Variants in PBX3 observed in about 807,000 individuals in gnomAD.
PBX3 encodes pre-B-cell leukemia transcription factor 3.
PBX3 carries 14 observed loss-of-function variants against 48.5 expected under a neutral mutation model. That is an observed-to-expected ratio of 0.29 (90% CI 0.19 to 0.45). The LOEUF is 0.45. PBX3 is among the 20% of genes least tolerant of loss of function. PBX3 has a pLI of 1.00. For synonymous variants in PBX3, 210 were observed against 200.3 expected (o/e 1.05, Z -0.41); for missense variants, 386 against 546.7 (o/e 0.71, Z 2.93).
Position 125,929,974 on chromosome 9 carries a change from G to C in PBX3, c.707+129G>C. On this transcript the variant is annotated intron_variant, in intron 4 of 8. Coordinates refer to ENST00000373489, the MANE Select transcript of PBX3 (RefSeq NM_006195.6). ...TATGAGTCTTTTGTACAATGGACAG[G>C]TAATTCAACTCATGGTTCCTGTGCT... The C allele has an allele frequency of 4.4e-6, 3 of 682,194 alleles. 1 individual carries two copies. The South Asian group carries it at 5.6e-5, about 13-fold the overall frequency. 42.3% of individuals were successfully genotyped at this position (682,194 alleles called of 1,614,324 possible).
chr9:125,899,270 TATACATATGTATATATATTTATATATAA>T lies in PBX3; in HGVS notation c.275-16412_275-16385del, dbSNP rs1222368669. Among the ~76,000 whole-genome samples the T allele has an allele frequency of 6.8e-4, 81 of 118,826 alleles. 1 individual carries two copies. The highest frequency in any genetic ancestry group is 1.7e-3 in the South Asian group (7 of 4,092). 78.0% of individuals were successfully genotyped at this position (118,826 alleles called of 152,430 possible). A position where few individuals can be genotyped will look rare whatever the true frequency, so the allele number is the denominator to read the frequency against. On this transcript the variant is annotated intron_variant, in intron 2 of 8. Transcript: ENST00000373489. Reference sequence around the variant, plus strand: ...ATATGTATATATATTTATATATAAATATACATATGTATATATATTTATATATAAATATACATATATGTATATATTTTTA... The same window carrying T: ...ATATGTATATATATTTATATATAAATATATACATATATGTATATATTTTTA...
At chr9:125,810,666 T>C (rs770430910) in intron 2 of PBX3, among the ~76,000 whole-genome samples, 3 of 152,148 alleles carry the variant, frequency 2.0e-5, no homozygotes, top group Non-Finnish European at 4.4e-5. Flanking sequence ...TACCATTGAT[T>C]CTATATCCCT....
At chr9:125,942,737 C>T (rs1841982653) in intron 5 of PBX3, among the ~76,000 whole-genome samples, 1 of 152,158 alleles carries the variant, frequency 6.6e-6, no homozygotes, top group South Asian at 2.1e-4. Flanking sequence ...AAGAAGGCTA[C>T]AGACCCTCTG....
chr9:125,804,369 T>C (rs73667067), intron 2 of PBX3, among the ~76,000 whole-genome samples: 13 of 152,326 alleles, frequency 8.5e-5, no homozygotes, highest in African/African-American at 2.9e-4. Flanking sequence ...TCTGGGCGGC[T>C]GGGCTCATCC....
At chr9:125,793,182 C>T (rs1837662410) in intron 2 of PBX3, among the ~76,000 whole-genome samples, 1 of 150,258 alleles carries the variant, frequency 6.7e-6, no homozygotes. Flanking sequence ...GGAACCCTGT[C>T]TCTACTAAAA....
At chr9:125,826,731 G>A (rs1838818513) in intron 2 of PBX3, among the ~76,000 whole-genome samples, 1 of 151,986 alleles carries the variant, frequency 6.6e-6, no homozygotes, top group African/African-American at 2.4e-5. Context: ...CCTTAATTAT[G>A]GACATATTTT....
In PBX3 at chr9:125,966,116, T is replaced by A. The variant is rs79152930; in HGVS notation, c.*193T>A. ...ATTTATACTTAAAAACACACAATGTTAAAAAAAATAAAGCACTTTATCCAA... is the reference window on the plus strand; with the variant it reads ...ATTTATACTTAAAAACACACAATGTAAAAAAAAATAAAGCACTTTATCCAA... On this transcript the variant is annotated 3_prime_UTR_variant, in exon 9 of 9. Transcript: ENST00000373489. 2 of 388,586 alleles carry A rather than the reference T, an allele frequency of 5.1e-6. No homozygotes were observed. Among genetic ancestry groups the A allele is most frequent in the South Asian group, 6.6e-5 (1 of 15,248 alleles). 24.1% of individuals were successfully genotyped at this position (388,586 alleles called of 1,614,324 possible).
At chr9:125,887,245 C>G (rs1840523297) in intron 2 of PBX3, among the ~76,000 whole-genome samples, 1 of 152,142 alleles carries the variant, frequency 6.6e-6, no homozygotes, top group Admixed American at 6.5e-5. Context: ...CAATTCCTTT[C>G]ATGAAAAGCA....
chr9:125,798,883 T>A (rs1056130601), intron 2 of PBX3, among the ~76,000 whole-genome samples: 2 of 152,066 alleles, frequency 1.3e-5, no homozygotes, highest in African/African-American at 4.8e-5. Flanking sequence ...TTTGTTTAAC[T>A]ACATTATTTA....
At chr9:125,942,205 T>C (rs1020320017) in intron 5 of PBX3, among the ~76,000 whole-genome samples, 2 of 152,208 alleles carry the variant, frequency 1.3e-5, no homozygotes, top group African/African-American at 4.8e-5. Context: ...TTGGGGATTT[T>C]TACACAGATA....
At chr9:125,955,271 T>G (rs1842280529) in intron 5 of PBX3, among the ~76,000 whole-genome samples, 1 of 152,114 alleles carries the variant, frequency 6.6e-6, no homozygotes, top group African/African-American at 2.4e-5. Flanking sequence ...TGCCCAGAGC[T>G]TCTCCCGCTT....
chr9:125,955,106 A>G (rs540767800), intron 5 of PBX3, among the ~76,000 whole-genome samples: 25 of 152,264 alleles, frequency 1.6e-4, no homozygotes, highest in Admixed American at 1.0e-3. Flanking sequence ...GTGCAGACCA[A>G]TGACCCTGGA....
At chr9:125,761,773 C>G (rs892372513) in intron 2 of PBX3, among the ~76,000 whole-genome samples, 3 of 152,120 alleles carry the variant, frequency 2.0e-5, no homozygotes, top group African/African-American at 7.2e-5. Flanking sequence ...TTTTAACTGT[C>G]CCAGTATTGA....
intron 2 of PBX3, among the ~76,000 whole-genome samples, chr9:125,899,912 C>T (rs1840901344): frequency 1.8e-5 from 1 of 56,222 alleles, no homozygotes; most frequent in Non-Finnish European, 3.5e-5. Context: ...AAGAAAAGAG[C>T]CCCCCAAAAG....
chr9:125,867,350 A>G, intron 2 of PBX3, among the ~76,000 whole-genome samples: 1 of 152,216 alleles, frequency 6.6e-6, no homozygotes. Context: ...ATGACTCTAA[A>G]AAACAAAATT....
At chr9:125,790,795 G>T (rs1360090349) in intron 2 of PBX3, among the ~76,000 whole-genome samples, 2 of 151,878 alleles carry the variant, frequency 1.3e-5, no homozygotes, top group African/African-American at 4.8e-5. Flanking sequence ...TTGAACTTCT[G>T]GCCTGGAGTG....
In PBX3 at chr9:125,759,352, A is replaced by G. The variant is rs1473091863; in HGVS notation, c.274+10729A>G. On this transcript the variant is annotated intron_variant, in intron 2 of 8. Transcript: ENST00000373489. This position sits in a 1 kb window ranked among gnomAD's most constrained non-coding sequence, Gnocchi z 4.2. ...CTAGTGATAGTGCTGCAGTGACTAG[A>G]TAGAGCAGAGGAGAATGGCTTCCTC... Among the ~76,000 whole-genome samples, 1 of 152,172 alleles carries G rather than the reference A, an allele frequency of 6.6e-6. No individual in the cohort carries two copies. The highest frequency in any genetic ancestry group is 2.4e-5 in the African/African-American group (1 of 41,438).
intron 2 of PBX3, among the ~76,000 whole-genome samples, chr9:125,870,761 G>T (rs1401688922): frequency 6.6e-6 from 1 of 152,150 alleles, no homozygotes; most frequent in Non-Finnish European, 1.5e-5. Context: ...TCATTTTAAG[G>T]TTCATTTATT....
chr9:125,770,018 G>A (rs1836901884), intron 2 of PBX3, among the ~76,000 whole-genome samples: 1 of 152,074 alleles, frequency 6.6e-6, no homozygotes, highest in Admixed American at 6.6e-5. Context: ...ATTGAAAAAC[G>A]GAATGTATAG....
Sources: gnomAD v4.1 joint callset for allele counts (sites outside exome capture counted in the v4.1 genomes callset) on GRCh38, gnomAD v4.1.1 for gene constraint, Gnocchi (gnomAD v3.1) non-coding constraint, MANE v1.5 for transcripts, NCBI Gene and HGNC (gene_info 2026-07-23, HGNC 2026-07-21) for gene names.